Variants in RYR2 observed in about 807,000 individuals in gnomAD.
RYR2 encodes ryanodine receptor 2.
Under a neutral mutation model 601.1 loss-of-function variants are expected in RYR2, and 227 were observed. That is an observed-to-expected ratio of 0.38 (90% CI 0.34 to 0.42). The LOEUF (loss-of-function observed/expected upper bound fraction) is 0.42. Among genes scored for constraint, RYR2 ranks in the 10% least tolerant of loss-of-function variants. The pLI is 1.00. For missense variants in RYR2, 4,646 were observed against 6,156.5 expected, an observed-to-expected ratio of 0.75 and a Z score of 8.21; for synonymous variants, 2,223 against 2,175.1, an observed-to-expected ratio of 1.02 and a Z score of -0.61.
At chr1:237,798,778 A>T (rs995222348) in intron 97 of RYR2, among the ~76,000 whole-genome samples, 3 of 55,730 alleles carry the variant, frequency 5.4e-5, no homozygotes, top group African/African-American at 1.1e-4. Flanking sequence ...TTTAAATGTC[A>T]CACACACACA....
intron 1 of RYR2, among the ~76,000 whole-genome samples, chr1:237,049,911 T>C (rs754224398): frequency 6.6e-6 from 1 of 152,160 alleles, no homozygotes; most frequent in Non-Finnish European, 1.5e-5. Flanking sequence ...AGTTACCTTC[T>C]CCCTGGCTGG....
At chr1:237,046,148 A>T (rs1660575995) in intron 1 of RYR2, among the ~76,000 whole-genome samples, 1 of 152,190 alleles carries the variant, frequency 6.6e-6, no homozygotes, top group African/African-American at 2.4e-5. Context: ...AAATATACTC[A>T]TCTACAAATG....
intron 1 of RYR2, among the ~76,000 whole-genome samples, chr1:237,198,690 T>C (rs1319620800): frequency 6.6e-6 from 1 of 152,138 alleles, no homozygotes; most frequent in Non-Finnish European, 1.5e-5. Context: ...GGTAAATAAA[T>C]AATCTTCCCA....
At chr1:237,586,307 T>C (rs1426184109) in intron 29 of RYR2, among the ~76,000 whole-genome samples, 1 of 152,234 alleles carries the variant, frequency 6.6e-6, no homozygotes, top group Non-Finnish European at 1.5e-5. Flanking sequence ...CTCCTGTGTA[T>C]GTATCACAGT....
chr1:237,610,817 C>A lies in RYR2; in HGVS notation c.4739C>A (p.Pro1580Gln), dbSNP rs755303612. Residue 1580 changes from proline (P) to glutamine (Q), a missense_variant, in exon 36 of 105, where the codon CCG becomes CAG. Around this residue, in one of 17 missense-constraint regions of RYR2, gnomAD observed 1,807 missense variants for 2,088.1 expected, o/e 0.87. Transcript: ENST00000366574. The surrounding 1 kb of genome is among the most constrained non-coding windows in gnomAD (Gnocchi z 4.9). ...LFKSEHKNPV[P>Q]QCPPRLHVQF... The stretch of plus-strand genomic sequence containing the variant: ...AAGAGTGAGCACAAGAACCCCGTGC[C>A]GCAGTGCCCCCCGCGCCTCCACGTG... 6.2e-7 allele frequency: 1 copy of A among 1,611,982 alleles called. No individual in the cohort carries two copies. Among genetic ancestry groups the A allele is most frequent in the Admixed American group, 1.7e-5 (1 of 59,734 alleles).
chr1:237,098,048 T>G (rs188500320), intron 1 of RYR2, among the ~76,000 whole-genome samples: 2 of 152,330 alleles, frequency 1.3e-5, no homozygotes, highest in African/African-American at 4.8e-5. Context: ...ATATCAAGAT[T>G]GACTGATGTT....
chr1:237,492,339 C>T lies in RYR2; in HGVS notation c.1827+415C>T, dbSNP rs151058445. 8.0e-4 allele frequency among the ~76,000 whole-genome samples: 122 copies of T among 152,292 alleles called. 1 individual carries two copies. Among genetic ancestry groups the T allele is most frequent in the African/African-American group, 2.8e-3 (117 of 41,568 alleles). On this transcript the variant is annotated intron_variant, in intron 18 of 104. Transcript: ENST00000366574. Reference sequence around the variant, plus strand: ...GAGCCACCGCGCCTGGGCTTCATCTCTTAATCATGATCAAGTAATATTTTT... The same window carrying T: ...GAGCCACCGCGCCTGGGCTTCATCTTTTAATCATGATCAAGTAATATTTTT...
chr1:237,806,298 T>A lies in RYR2; in HGVS notation c.14298+15T>A. On this transcript the variant is annotated intron_variant, in intron 99 of 104. Transcript: ENST00000366574. ...ATGGCAAACAGGTAAACAGTTTATC[T>A]TTTTCCTCCCTTGCAGAAAATAAAA... 1 of 1,597,466 alleles carries A rather than the reference T, an allele frequency of 6.3e-7. No homozygotes were observed. The highest frequency in any genetic ancestry group is 8.5e-7 in the Non-Finnish European group (1 of 1,171,734).
In RYR2 at chr1:237,819,836, CCAACAA is replaced by C. The variant is rs146324561; in HGVS notation, c.14590+660_14590+665del. On this transcript the variant is annotated intron_variant, in intron 101 of 104. Transcript: ENST00000366574. This position sits in a 1 kb window ranked among gnomAD's most constrained non-coding sequence, Gnocchi z 4.0. Reference sequence around the variant, plus strand: ...TCCATTTCAAAACACACACTCAAACCCAACAACAACAACAACAACAAAAACTTCTAA... The same window carrying C: ...TCCATTTCAAAACACACACTCAAACCCAACAACAACAACAAAAACTTCTAA... 2.0e-5 allele frequency among the ~76,000 whole-genome samples: 3 copies of C among 151,306 alleles called. No individual in the cohort carries two copies. Among genetic ancestry groups the C allele is most frequent in the African/African-American group, 7.3e-5 (3 of 41,202 alleles).
intron 1 of RYR2, among the ~76,000 whole-genome samples, chr1:237,257,841 G>A (rs573829617): frequency 2.6e-5 from 4 of 152,230 alleles, no homozygotes; most frequent in African/African-American, 7.2e-5. Context: ...AAGATCTGGA[G>A]GAAGAACAAG....
At chr1:237,659,043 A>C (rs1159634293) in intron 54 of RYR2, among the ~76,000 whole-genome samples, 1 of 152,210 alleles carries the variant, frequency 6.6e-6, no homozygotes, top group African/African-American at 2.4e-5. Flanking sequence ...AGATAGTTCA[A>C]GAACTAAAAT....
At position 237,171,757 on chromosome 1, in the gene RYR2, C is replaced by T. The variant is rs947629543; in HGVS notation, c.49-98740C>T. Among the ~76,000 whole-genome samples, 10 of 152,348 alleles carry T rather than the reference C, an allele frequency of 6.6e-5. No homozygotes were observed. The South Asian group carries it at 2.1e-3, about 32-fold the overall frequency. On this transcript the variant is annotated intron_variant, in intron 1 of 104. Transcript: ENST00000366574. ...AAGGCTTCCATAGCTTCATCTGCGT[C>T]TGCCTCATTGCTTCCTATTTTTGCC...
At chr1:237,254,129 C>T (rs1687728291) in intron 1 of RYR2, among the ~76,000 whole-genome samples, 1 of 152,102 alleles carries the variant, frequency 6.6e-6, no homozygotes, top group Admixed American at 6.5e-5. Context: ...CTATACCATG[C>T]CCCATGTTTT....
At position 237,270,623 on chromosome 1, in the gene RYR2, T is replaced by TTG; in HGVS notation, c.168+7_168+8insTG. 6.4e-7 allele frequency: 1 copy of TTG among 1,571,042 alleles called. No individual in the cohort carries two copies. Among genetic ancestry groups the TTG allele is most frequent in the Non-Finnish European group, 8.6e-7 (1 of 1,157,132 alleles). Reference sequence around the variant, plus strand: ...GTCCACTTCCAATTCCAAGGTGGGATGAAGTCTTTCAAGGCTATTCAAATA... The same window carrying TTG: ...GTCCACTTCCAATTCCAAGGTGGGATTGGAAGTCTTTCAAGGCTATTCAAATA... On this transcript the variant is annotated splice_region_variant and intron_variant, in intron 2 of 104. Transcript: ENST00000366574.
chr1:237,362,172 C>G (rs1481045148), intron 4 of RYR2, among the ~76,000 whole-genome samples: 1 of 152,196 alleles, frequency 6.6e-6, no homozygotes, highest in Non-Finnish European at 1.5e-5. Context: ...GAGTTACTGA[C>G]ATCTGCAGTT....
At chr1:237,522,574 C>T (rs1289327925) in intron 24 of RYR2, among the ~76,000 whole-genome samples, 1 of 152,176 alleles carries the variant, frequency 6.6e-6, no homozygotes, top group Non-Finnish European at 1.5e-5. Flanking sequence ...CTCTGTACTC[C>T]ACCGACCATA....
At chr1:237,478,585 A>G (rs906385094) in intron 17 of RYR2, among the ~76,000 whole-genome samples, 1 of 152,222 alleles carries the variant, frequency 6.6e-6, no homozygotes, top group African/African-American at 2.4e-5. Context: ...GAAACGCATA[A>G]TAATAGCAAA....
At chr1:237,135,395 A>G (rs1175778417) in intron 1 of RYR2, among the ~76,000 whole-genome samples, 1 of 150,534 alleles carries the variant, frequency 6.6e-6, no homozygotes, top group African/African-American at 2.4e-5. Context: ...TTTGATACAG[A>G]GTCTCGCTCT....
intron 98 of RYR2, among the ~76,000 whole-genome samples, chr1:237,802,734 A>T (rs1206679308): frequency 2.0e-5 from 3 of 152,254 alleles, no homozygotes; most frequent in Admixed American, 6.5e-5. Flanking sequence ...TTTTCCACTG[A>T]AGTGGCCAGT....
Sources: gnomAD v4.1 joint callset for allele counts (sites outside exome capture counted in the v4.1 genomes callset) on GRCh38, gnomAD v4.1.1 for gene constraint, gnomAD v4.1.1 regional missense constraint, Gnocchi (gnomAD v3.1) non-coding constraint, MANE v1.5 for transcripts, NCBI Gene and HGNC (gene_info 2026-07-23, HGNC 2026-07-21) for gene names.